Variants in NCOR2 observed in about 807,000 individuals in gnomAD.
NCOR2 encodes nuclear receptor corepressor 2, also known as CTG repeat protein 26.
Under a neutral mutation model 262.9 loss-of-function variants are expected in NCOR2, and 81 were observed. That is an observed-to-expected ratio of 0.31 (90% confidence interval 0.26 to 0.37). The LOEUF is 0.37. Ranked by LOEUF, NCOR2 falls within the 10% of genes least tolerant of loss-of-function variation. The probability of loss-of-function intolerance (pLI) is 1.00; values close to 1 mark genes in which losing one functional copy is unlikely to be tolerated. For missense variants in NCOR2, 3,385 were observed against 3,621.4 expected (o/e 0.93, Z 1.68); for synonymous variants, 1,659 against 1,559.3 (o/e 1.06, Z -1.51).
intron 17 of NCOR2, among the ~76,000 whole-genome samples, chr12:124,379,686 T>C (rs12300438): frequency 0.031 from 4,654 of 152,286 alleles, 159 homozygotes; most frequent in South Asian, 0.09. Flanking sequence ...GGTTGAATGG[T>C]GTCCCTCAAA....
chr12:124,565,989 A>T (rs2052224980), intron 1 of NCOR2, among the ~76,000 whole-genome samples: 1 of 151,966 alleles, frequency 6.6e-6, no homozygotes, highest in African/African-American at 2.4e-5. Flanking sequence ...TGGCCCGGAG[A>T]GCCCCTTATA....
rs373404529 is a variant in NCOR2, at chr12:124,438,920, G to C, written c.816-924C>G. ...AGGGAGACAGAGACCCAGAGAGAGAGAGACGGAGACCCAGAGACAGAGGGA... is the reference window on the plus strand; with the variant it reads ...AGGGAGACAGAGACCCAGAGAGAGACAGACGGAGACCCAGAGACAGAGGGA... On this transcript the variant is annotated intron_variant, in intron 7 of 46. Coordinates refer to ENST00000405201, the Ensembl canonical transcript of NCOR2. Among the ~76,000 whole-genome samples the C allele has an allele frequency of 5.4e-5, 8 of 147,476 alleles. No homozygotes were observed. In the East Asian group the frequency reaches 1.5e-3, roughly 27 times the overall value.
chr12:124,362,888 T>C (rs878884838), intron 21 of NCOR2, among the ~76,000 whole-genome samples: 3 of 129,644 alleles, frequency 2.3e-5, no homozygotes, highest in South Asian at 2.6e-4. Context: ...AAAAGCCTGG[T>C]CCAGCTGCCT....
rs143381028 is a variant in NCOR2 at position 124,473,595 on chromosome 12, T to C, written c.412-464A>G. On this transcript the variant is annotated intron_variant, in intron 3 of 46. Coordinates refer to ENST00000405201, the Ensembl canonical transcript of NCOR2. The stretch of plus-strand genomic sequence containing the variant: ...CTCCCCTTTATGTAATATATATATA[T>C]ATTTTTTCTATTAGTTCTGTCCCTC... Among the ~76,000 whole-genome samples, 711 of 152,030 alleles carry C rather than the reference T, an allele frequency of 4.7e-3. 6 individuals are homozygous for C. The highest frequency in any genetic ancestry group is 0.016 in the African/African-American group (646 of 41,468).
intron 1 of NCOR2, among the ~76,000 whole-genome samples, chr12:124,505,509 C>T (rs837935): frequency 0.59 from 90,255 of 152,054 alleles, 28,634 homozygotes; most frequent in South Asian, 0.73. Context: ...CTGAAACGAG[C>T]CAGTGCCCTC....
intron 1 of NCOR2, among the ~76,000 whole-genome samples, chr12:124,558,889 G>A (rs549073031): frequency 1.6e-4 from 25 of 152,304 alleles, no homozygotes; most frequent in African/African-American, 5.1e-4. Flanking sequence ...GAGGAACTCC[G>A]CGTGGAGCCT....
rs569026322 is a variant in NCOR2 at position 124,336,480 on chromosome 12, C to T, written c.6115+273G>A. 224 of 624,492 alleles carry T rather than the reference C, an allele frequency of 3.6e-4. No homozygotes were observed. The African/African-American group carries it at 3.7e-3, about 10-fold the overall frequency. 38.7% of individuals were successfully genotyped at this position (624,492 alleles called of 1,614,324 possible). ...CCCAAACCAGAGGGGCAGGCGCGGC[C>T]GGAGTAGTCGTCAGCGCGTGCAAAC... is the stretch of plus-strand genomic sequence containing the variant. On this transcript the variant is annotated intron_variant, in intron 38 of 46. Transcript: ENST00000405201.
At chr12:124,499,199 A>G (rs1006330751), upstream of NCOR2, among the ~76,000 whole-genome samples, 1 of 152,276 alleles carries the variant, frequency 6.6e-6, no homozygotes, top group Admixed American at 6.5e-5. Flanking sequence ...GAGCCCCTCC[A>G]GGGTCTCCAG....
At chr12:124,458,752 A>C (rs1346151911) in intron 5 of NCOR2, among the ~76,000 whole-genome samples, 1 of 152,252 alleles carries the variant, frequency 6.6e-6, no homozygotes, top group Admixed American at 6.5e-5. Flanking sequence ...GGACAGAGGA[A>C]GCCAAGGGCC....
At position 124,483,375 on chromosome 12, in the gene NCOR2, G is replaced by A. The variant is rs934234365; in HGVS notation, c.411+221C>T. Among the ~76,000 whole-genome samples the A allele has an allele frequency of 5.9e-5, 9 of 152,046 alleles. No homozygotes were observed. The highest frequency in any genetic ancestry group is 1.9e-4 in the African/African-American group (8 of 41,396). ...TTTGCACTTGCTGCTCTGCCCACCT[G>A]GAACACCTTCCCCACTTCTTCCCAC... On this transcript the variant is annotated intron_variant, in intron 3 of 46. Transcript: ENST00000405201. The surrounding 1 kb of genome is among the most constrained non-coding windows in gnomAD (Gnocchi z 6.3).
intron 1 of NCOR2, among the ~76,000 whole-genome samples, chr12:124,533,974 T>C (rs2050987908): frequency 6.6e-6 from 1 of 151,658 alleles, no homozygotes. Context: ...TTAGTGCTAG[T>C]GTATTTTCTG....
intron 7 of NCOR2, 128 bp from the exon 10 acceptor site, chr12:124,438,124 ACCCGTGCTGTATC>A (rs951436664): frequency 8.7e-6 from 7 of 808,802 alleles, no homozygotes; most frequent in Non-Finnish European, 1.2e-5. Flanking sequence ...GATGAGACCC[ACCCGTGCTGTATC>A]CCCAGAGAGA....
At position 124,463,786 on chromosome 12, in the gene NCOR2, C is replaced by A. The variant is rs1306768171; in HGVS notation, c.705+2387G>T. On this transcript the variant is annotated intron_variant, in intron 5 of 46. Transcript: ENST00000405201. ...GGCCTCCCGCACATTAGGCTGCAGGCTTTGGAGGCTCAGAGACTCAGCCCG... is the reference window on the plus strand; with the variant it reads ...GGCCTCCCGCACATTAGGCTGCAGGATTTGGAGGCTCAGAGACTCAGCCCG... Among the ~76,000 whole-genome samples the A allele has an allele frequency of 2.6e-5, 4 of 152,250 alleles. No individual in the cohort carries two copies. In the East Asian group the frequency reaches 7.7e-4, roughly 29 times the overall value.
intron 14 of NCOR2, among the ~76,000 whole-genome samples, chr12:124,401,577 G>A (rs2041986780): frequency 6.6e-6 from 1 of 152,232 alleles, no homozygotes; most frequent in South Asian, 2.1e-4. Flanking sequence ...TTAGACATTG[G>A]CAGGAGGAAA....
At chr12:124,528,915 C>T (rs891247722) in intron 1 of NCOR2, among the ~76,000 whole-genome samples, 1 of 152,240 alleles carries the variant, frequency 6.6e-6, no homozygotes, top group Non-Finnish European at 1.5e-5. Context: ...CGCGGTGGCT[C>T]ACGCCTGTAA....
At chr12:124,545,504 G>A (rs1215631610) in intron 1 of NCOR2, among the ~76,000 whole-genome samples, 4 of 152,122 alleles carry the variant, frequency 2.6e-5, no homozygotes, top group South Asian at 2.1e-4. Context: ...CCAACCCACC[G>A]ACACACGGGG....
intron 1 of NCOR2, among the ~76,000 whole-genome samples, chr12:124,501,051 C>CACGT (rs1278136069): frequency 5.1e-5 from 5 of 97,702 alleles, no homozygotes; most frequent in Admixed American, 1.1e-4. Flanking sequence ...CACGAGCGCG[C>CACGT]GCGCACGCGC....
At chr12:124,559,738 G>A (rs2052008061) in intron 1 of NCOR2, among the ~76,000 whole-genome samples, 1 of 152,372 alleles carries the variant, frequency 6.6e-6, no homozygotes, top group African/African-American at 2.4e-5. Context: ...TCAGGATGAA[G>A]TAGATAAAGC....
chr12:124,366,662 G>A (rs1251601295), intron 20 of NCOR2, among the ~76,000 whole-genome samples: 3 of 152,032 alleles, frequency 2.0e-5, no homozygotes, highest in Non-Finnish European at 2.9e-5. Flanking sequence ...ACACATCACC[G>A]TACCTGACTG....
Sources: allele counts gnomAD v4.1 joint callset (sites outside exome capture counted in the v4.1 genomes callset), GRCh38; gene constraint gnomAD v4.1.1; non-coding constraint Gnocchi (gnomAD v3.1); transcripts MANE v1.5; gene names NCBI Gene and HGNC (gene_info 2026-07-23, HGNC 2026-07-21).